The following CBY1 variants were observed in gnomAD, a reference collection of about 807,000 sequenced individuals.
The protein encoded by CBY1 is protein chibby homolog 1.
In CBY1, 10 loss-of-function variants were observed where a neutral mutation model predicts 15.6. The ratio of observed to expected loss-of-function variants is 0.64; its 90% CI spans 0.40 to 1.09. The LOEUF (loss-of-function observed/expected upper bound fraction) is 1.09, where lower values mean the gene tolerates loss of function less well. Ranked by LOEUF, CBY1 falls within the 50% of genes least tolerant of loss-of-function variation. CBY1 has a pLI of 0.01. For missense variants in CBY1, 150 were observed against 160.5 expected, an observed-to-expected ratio of 0.93 and a Z score of 0.35; for synonymous variants, 61 against 63.5, an observed-to-expected ratio of 0.96 and a Z score of 0.19.
chr22:38,673,288 T>C lies in CBY1; in HGVS notation c.*52T>C, dbSNP rs2145790096. 2 of 1,209,138 alleles carry C rather than the reference T, an allele frequency of 1.7e-6. No homozygotes were observed. The highest frequency in any genetic ancestry group is 1.9e-4 in the Middle Eastern group (1 of 5,268). The allele number at this position is 1,209,138 out of a possible 1,614,324, so 74.9% of individuals were successfully genotyped here. A position where few individuals can be genotyped will look rare whatever the true frequency, so the allele number is the denominator to read the frequency against. On this transcript the variant is annotated 3_prime_UTR_variant, in exon 5 of 5. Transcript: ENST00000216029. ...TAGGATGTGGCTGAGTGCTTTTTTT[T>C]TGGCCAGACTAGCGGATTCAGTCCT... is the stretch of plus-strand genomic sequence containing the variant.
At chr22:38,668,339 C>G (rs1228005499) in intron 2 of CBY1, 2 of 510,442 alleles carry the variant, frequency 3.9e-6, no homozygotes, top group African/African-American at 2.0e-5. Context: ...AGAAGACAAT[C>G]TCATTATGAT....
chr22:38,670,195 A>G (rs1188761150), intron 2 of CBY1: 1 of 152,144 alleles, frequency 6.6e-6, no homozygotes, highest in Non-Finnish European at 1.5e-5. Context: ...GTGCCACTGC[A>G]CTCCAGCCTA....
chr22:38,667,976 G>A (rs2092441691), intron 1 of CBY1, 41 bp from the exon 2 acceptor site: 1 of 1,074,640 alleles, frequency 9.3e-7, no homozygotes, highest in South Asian at 1.3e-5. Flanking sequence ...CATAAGGTCA[G>A]TGATCCAGCT....
intron 1 of CBY1, among the ~76,000 whole-genome samples, chr22:38,657,882 TC>T (rs2092405897): frequency 6.6e-6 from 1 of 152,192 alleles, no homozygotes; most frequent in Non-Finnish European, 1.5e-5. Context: ...GGGGGCTGCT[TC>T]TTAACTGTGT....
At chr22:38,657,107 A>G in intron 1 of CBY1, 1 of 984,100 alleles carries the variant, frequency 1.0e-6, no homozygotes. Flanking sequence ...AATCCGATGA[A>G]AACCAGAGAT....
At chr22:38,659,689 CA>C (rs1280331552) in intron 1 of CBY1, among the ~76,000 whole-genome samples, 4 of 151,768 alleles carry the variant, frequency 2.6e-5, no homozygotes, top group Non-Finnish European at 2.9e-5. Flanking sequence ...GGTGAAACCC[CA>C]TCTCTACTAA....
At chr22:38,657,113 G>T (rs951779573) in intron 1 of CBY1, 1 of 984,198 alleles carries the variant, frequency 1.0e-6, no homozygotes, top group Non-Finnish European at 1.2e-6. Context: ...ATGAAAACCA[G>T]AGATTCCGCC....
chr22:38,665,993 T>G (rs554643176), intron 1 of CBY1, among the ~76,000 whole-genome samples: 1 of 151,808 alleles, frequency 6.6e-6, no homozygotes, highest in Admixed American at 6.6e-5. Context: ...AAATAAAATT[T>G]AAAAAATACT....
At chr22:38,661,090 C>T (rs2092421123) in intron 1 of CBY1, among the ~76,000 whole-genome samples, 1 of 152,148 alleles carries the variant, frequency 6.6e-6, no homozygotes, top group South Asian at 2.1e-4. Context: ...CTGGTTTGTC[C>T]AAGTTCTAAA....
chr22:38,667,016 T>TTA (rs201494483), intron 1 of CBY1, among the ~76,000 whole-genome samples: 19 of 130,934 alleles, frequency 1.5e-4, no homozygotes, highest in Non-Finnish European at 2.0e-4. Context: ...CTTTCTTTAT[T>TTA]TTTTTTTTTT....
chr22:38,660,901 G>T (rs558794416), intron 1 of CBY1, among the ~76,000 whole-genome samples: 5 of 152,002 alleles, frequency 3.3e-5, no homozygotes, highest in African/African-American at 7.2e-5. Flanking sequence ...TTTTTGTTCT[G>T]TCCTTTACAT....
intron 2 of CBY1, among the ~76,000 whole-genome samples, chr22:38,669,510 T>TA (rs1250206759): frequency 6.6e-6 from 1 of 152,178 alleles, no homozygotes; most frequent in Non-Finnish European, 1.5e-5. Context: ...ATGGGGCAGA[T>TA]ACTTTAACGG....
intron 1 of CBY1, among the ~76,000 whole-genome samples, chr22:38,658,601 C>T (rs551164767): frequency 1.4e-4 from 21 of 152,002 alleles, no homozygotes; most frequent in African/African-American, 4.8e-4. Flanking sequence ...GCTGGGACTA[C>T]GAATAGATGG....
chr22:38,672,844 A>G (rs1603122034), intron 4 of CBY1, among the ~76,000 whole-genome samples: 1 of 152,270 alleles, frequency 6.6e-6, no homozygotes, highest in East Asian at 1.9e-4. Context: ...TTTCAGCTCT[A>G]ATCCCTTAGC....
chr22:38,672,522 G>T (rs1358708545), intron 4 of CBY1, among the ~76,000 whole-genome samples: 1 of 151,832 alleles, frequency 6.6e-6, no homozygotes, highest in Non-Finnish European at 1.5e-5. Flanking sequence ...CACCATGTTG[G>T]CCAGGCTGGT....
Position 38,673,537 on chromosome 22 carries a change from CAT to C in CBY1, c.*302_*303del, listed in dbSNP as rs749573293. The stretch of plus-strand genomic sequence containing the variant: ...CTCCACACACAAGCTCGCAAACACA[CAT>C]GTCCCAGAATAGCTCTGTTGGGTTG... On this transcript the variant is annotated 3_prime_UTR_variant, in exon 5 of 5. Coordinates refer to ENST00000216029, the MANE Select transcript of CBY1 (RefSeq NM_015373.4). The C allele has an allele frequency of 2.1e-4, 69 of 323,020 alleles. No individual in the cohort carries two copies. The highest frequency in any genetic ancestry group is 1.3e-3 in the South Asian group (43 of 33,608). The allele number at this position is 323,020 out of a possible 1,614,324, so 20.0% of individuals were successfully genotyped here. A position where few individuals can be genotyped will look rare whatever the true frequency, so the allele number is the denominator to read the frequency against.
At chr22:38,660,813 C>T (rs1160786215) in intron 1 of CBY1, among the ~76,000 whole-genome samples, 3 of 152,050 alleles carry the variant, frequency 2.0e-5, no homozygotes, top group Non-Finnish European at 2.9e-5. Context: ...TCTCCCTCAC[C>T]GCAGCCTCCA....
rs1026309934 is a variant in CBY1 at position 38,673,143 on chromosome 22, G to A, written c.304-16G>A. ...AGAAATGTGCTGCTTGCTAACAGCC[G>A]CTGCTTCACTTTCAGCTTTCAGAGT... On this transcript the variant is annotated splice_polypyrimidine_tract_variant and intron_variant, in intron 4 of 4. Transcript: ENST00000216029. The A allele has an allele frequency of 5.0e-6, 8 of 1,590,424 alleles. No homozygotes were observed. The highest frequency in any genetic ancestry group is 1.1e-5 in the South Asian group (1 of 90,472).
intron 4 of CBY1, among the ~76,000 whole-genome samples, chr22:38,672,695 G>T (rs1174334239): frequency 6.6e-6 from 1 of 152,026 alleles, no homozygotes; most frequent in African/African-American, 2.4e-5. Flanking sequence ...ACCCAGCCTG[G>T]CCGACAGAGC....
Sources: gnomAD v4.1 joint callset for allele counts (sites outside exome capture counted in the v4.1 genomes callset) on GRCh38, gnomAD v4.1.1 for gene constraint, MANE v1.5 for transcripts, NCBI Gene and HGNC (gene_info 2026-07-23, HGNC 2026-07-21) for gene names.